Variants in CIRSR observed in about 807,000 individuals in gnomAD.
The protein encoded by CIRSR is corepressor of RBPJ and splicing regulator.
At chr2:174,380,832 A>C in the CIRSR span, 1 of 1,577,274 alleles carries the variant, frequency 6.3e-7, no homozygotes, top group Non-Finnish European at 8.6e-7. Flanking sequence ...GCATATCAAA[A>C]ATATGGAAGA....
the CIRSR span, among the ~76,000 whole-genome samples, chr2:174,364,359 C>T: frequency 3.9e-5 from 6 of 152,240 alleles, no homozygotes; most frequent in Non-Finnish European, 7.3e-5. Flanking sequence ...CATATGCTGG[C>T]GTTGAGCACC....
the CIRSR span, chr2:174,351,608 A>G: frequency 1.9e-6 from 3 of 1,604,932 alleles, no homozygotes; most frequent in Non-Finnish European, 2.6e-6. Context: ...TACTGATAAA[A>G]AGATCATTAC....
chr2:174,367,119 T>C, the CIRSR span, among the ~76,000 whole-genome samples: 3 of 152,212 alleles, frequency 2.0e-5, no homozygotes, highest in Non-Finnish European at 4.4e-5. Flanking sequence ...ATTTCAATCA[T>C]TGCTTTTGAT....
At chr2:174,374,501 T>C in the CIRSR span, among the ~76,000 whole-genome samples, 7 of 152,212 alleles carry the variant, frequency 4.6e-5, no homozygotes, top group African/African-American at 1.7e-4. Context: ...ATGTGCAAGA[T>C]GTCAAATACA....
chr2:174,361,380 G>A, the CIRSR span, among the ~76,000 whole-genome samples: 886 of 152,312 alleles, frequency 5.8e-3, 5 homozygotes, highest in African/African-American at 0.02. Flanking sequence ...TGCCAGAAGG[G>A]CAACTGAGTT....
the CIRSR span, chr2:174,348,687 C>A: frequency 6.2e-7 from 1 of 1,614,186 alleles, no homozygotes; most frequent in East Asian, 2.2e-5. Context: ...CCGGCTTCTC[C>A]GGCTCCTTTC....
chr2:174,356,552 A>AAGGAAGGAAGGG, the CIRSR span, among the ~76,000 whole-genome samples: 1 of 134,002 alleles, frequency 7.5e-6, no homozygotes, highest in Non-Finnish European at 1.6e-5. Flanking sequence ...GGAAGGAAGG[A>AAGGAAGGAAGGG]AAGGAAGAAA....
the CIRSR span, among the ~76,000 whole-genome samples, chr2:174,365,422 G>A: frequency 2.0e-5 from 3 of 152,126 alleles, no homozygotes; most frequent in African/African-American, 7.2e-5. Context: ...TTCCAAAGTT[G>A]CTTCCACATT....
chr2:174,350,658 A>G, the CIRSR span: 35 of 1,578,482 alleles, frequency 2.2e-5, no homozygotes, highest in Non-Finnish European at 2.9e-5. Flanking sequence ...CTTCTAAATT[A>G]CCTGAGAAGT....
chr2:174,357,580 A>G, the CIRSR span, among the ~76,000 whole-genome samples: 1 of 152,176 alleles, frequency 6.6e-6, no homozygotes, highest in South Asian at 2.1e-4. Flanking sequence ...TTTCTTTCCT[A>G]AAGTTAAATT....
At chr2:174,348,919 C>T in the CIRSR span, 2 of 1,613,956 alleles carry the variant, frequency 1.2e-6, no homozygotes, top group Non-Finnish European at 1.7e-6. Flanking sequence ...TTAGACTTGT[C>T]CTTCTCTTCA....
At chr2:174,381,338 G>A in the CIRSR span, among the ~76,000 whole-genome samples, 1 of 152,060 alleles carries the variant, frequency 6.6e-6, no homozygotes, top group Admixed American at 6.6e-5. Flanking sequence ...ATGTTTAGCT[G>A]CAAACACATC....
chr2:174,356,478 A>C, the CIRSR span, among the ~76,000 whole-genome samples: 1 of 151,480 alleles, frequency 6.6e-6, no homozygotes. Context: ...AAAGACAGAC[A>C]GAAAAAAAGA....
At chr2:174,364,353 T>C in the CIRSR span, among the ~76,000 whole-genome samples, 1 of 152,240 alleles carries the variant, frequency 6.6e-6, no homozygotes, top group Non-Finnish European at 1.5e-5. Context: ...TGCTTTCATA[T>C]GCTGGCGTTG....
At chr2:174,387,871 T>G in the CIRSR span, 1 of 1,154,162 alleles carries the variant, frequency 8.7e-7, no homozygotes, top group Non-Finnish European at 1.2e-6. Flanking sequence ...AAAATGCAAT[T>G]GTTTAAAGCA....
At chr2:174,359,301 C>T in the CIRSR span, among the ~76,000 whole-genome samples, 1 of 140,852 alleles carries the variant, frequency 7.1e-6, no homozygotes, top group Middle Eastern at 3.7e-3. Context: ...TTGTCAAATT[C>T]AAACTCTACA....
At chr2:174,393,539 T>C in the CIRSR span, among the ~76,000 whole-genome samples, 1 of 152,056 alleles carries the variant, frequency 6.6e-6, no homozygotes, top group Admixed American at 6.5e-5. Flanking sequence ...ATAGATGGGG[T>C]CTCACTTTGT....
the CIRSR span, among the ~76,000 whole-genome samples, chr2:174,354,562 T>TATTATATATTATATATATCATATAA: frequency 7.7e-4 from 12 of 15,578 alleles, no homozygotes; most frequent in Non-Finnish European, 1.3e-3. Context: ...TATATATATT[T>TATTATATATTATATATATCATATAA]TATATATTAT....
At chr2:174,384,612 A>C in the CIRSR span, among the ~76,000 whole-genome samples, 2 of 152,144 alleles carry the variant, frequency 1.3e-5, no homozygotes, top group African/African-American at 4.8e-5. Context: ...TTTTTTAGAG[A>C]CAAAGTCTCA....
Sources: allele counts gnomAD v4.1 joint callset (sites outside exome capture counted in the v4.1 genomes callset), GRCh38; gene constraint gnomAD v4.1.1; transcripts MANE v1.5; gene names NCBI Gene and HGNC (gene_info 2026-07-23, HGNC 2026-07-21).